MTFR1: variants seen among roughly 807,000 people sequenced by gnomAD.
The protein encoded by MTFR1 is mitochondrial fission regulator 1.
In MTFR1, 28 loss-of-function variants were observed where a neutral mutation model predicts 38.8. The ratio of observed to expected loss-of-function variants is 0.72; its 90% CI spans 0.53 to 0.99. The LOEUF is 0.99. MTFR1 is among the 50% of genes least tolerant of loss of function. MTFR1 has a pLI of 0.00. For missense variants in MTFR1, 358 were observed against 395.5 expected (o/e 0.91, Z 0.81); for synonymous variants, 145 against 137.0 (o/e 1.06, Z -0.41).
chr8:65,683,992 A>G (rs375002212), intron 3 of MTFR1, among the ~76,000 whole-genome samples: 2 of 152,284 alleles, frequency 1.3e-5, no homozygotes, highest in East Asian at 3.9e-4. Flanking sequence ...TGATTGTTCA[A>G]TTCCATCAAT....
intron 3 of MTFR1, 156 bp downstream of exon 3, chr8:65,682,607 T>G (rs973898141): frequency 1.7e-5 from 8 of 478,294 alleles, no homozygotes; most frequent in African/African-American, 4.2e-5. Context: ...CAGTAAAGCC[T>G]TTCTAATTTT....
chr8:65,762,991 ATGTGTGTGTGTG>A lies in MTFR1; in HGVS notation c.*49-7920_*49-7909del, dbSNP rs34371328. 5.9e-3 allele frequency among the ~76,000 whole-genome samples: 812 copies of A among 138,602 alleles called. 3 individuals are homozygous for A. Among genetic ancestry groups the A allele is most frequent in the Middle Eastern group, 0.017 (5 of 288 alleles). 90.9% of individuals were successfully genotyped at this position (138,602 alleles called of 152,430 possible). On this transcript the variant is annotated intron_variant, in intron 3 of 3. Transcript: ENST00000521247. ...ATCTCTTTATATTTATATAAAAACA[ATGTGTGTGTGTG>A]TGTGTGTGTGTGTGTGTGTGTGTGT...
At chr8:65,744,473 A>G (rs1807582671) in intron 3 of MTFR1, among the ~76,000 whole-genome samples, 1 of 152,188 alleles carries the variant, frequency 6.6e-6, no homozygotes, top group South Asian at 2.1e-4. Flanking sequence ...CTGTCCGCAA[A>G]GAGAATAAGA....
At chr8:65,720,056 A>C (rs2129063406) in intron 3 of MTFR1, among the ~76,000 whole-genome samples, 1 of 152,374 alleles carries the variant, frequency 6.6e-6, no homozygotes, top group East Asian at 1.9e-4. Context: ...TAAAAATAAC[A>C]GGTGGGGTTA....
chr8:65,738,851 G>T (rs569680296), intron 3 of MTFR1, among the ~76,000 whole-genome samples: 8 of 152,220 alleles, frequency 5.3e-5, no homozygotes, highest in Non-Finnish European at 7.3e-5. Flanking sequence ...GAAAAGTACA[G>T]AAATTGTGTC....
chr8:65,677,755 C>T (rs1041328733), intron 2 of MTFR1, among the ~76,000 whole-genome samples: 5 of 151,462 alleles, frequency 3.3e-5, no homozygotes, highest in African/African-American at 1.2e-4. Flanking sequence ...TGGTGGCTCA[C>T]GCCTGTAATC....
At chr8:65,745,512 A>C in intron 3 of MTFR1, 1 of 1,084,740 alleles carries the variant, frequency 9.2e-7, no homozygotes. Flanking sequence ...TTTAATTTCA[A>C]TAACATTGTC....
At chr8:65,767,419 G>A (rs762014758) in intron 3 of MTFR1, among the ~76,000 whole-genome samples, 1 of 152,166 alleles carries the variant, frequency 6.6e-6, no homozygotes, top group Non-Finnish European at 1.5e-5. Context: ...GTATATATTG[G>A]TTTTCATCCA....
chr8:65,685,939 A>G (rs1195163080), intron 3 of MTFR1, among the ~76,000 whole-genome samples: 2 of 152,098 alleles, frequency 1.3e-5, no homozygotes, highest in African/African-American at 2.4e-5. Flanking sequence ...CATTGTGTGC[A>G]GACAGAATAG....
At chr8:65,710,676 A>G (rs1264070613), downstream of MTFR1, 1 of 152,206 alleles carries the variant, frequency 6.6e-6, no homozygotes, top group Non-Finnish European at 1.5e-5. Context: ...ATTCCTTAAA[A>G]TAAGCTCTTA....
At chr8:65,757,594 G>T (rs1469021808) in intron 3 of MTFR1, among the ~76,000 whole-genome samples, 3 of 151,904 alleles carry the variant, frequency 2.0e-5, no homozygotes, top group Non-Finnish European at 4.4e-5. Flanking sequence ...CTTGCTCCAA[G>T]ACTTTGTTTT....
At chr8:65,701,424 G>A (rs1351452864) in intron 4 of MTFR1, among the ~76,000 whole-genome samples, 1 of 152,146 alleles carries the variant, frequency 6.6e-6, no homozygotes, top group Non-Finnish European at 1.5e-5. Context: ...AAGTAGAAGA[G>A]CAGCTAAGGA....
chr8:65,744,281 G>A (rs764469089), intron 3 of MTFR1, among the ~76,000 whole-genome samples: 1 of 151,840 alleles, frequency 6.6e-6, no homozygotes, highest in African/African-American at 2.4e-5. Context: ...AAATGGAAAT[G>A]GAAATGAACA....
At chr8:65,708,308 A>G in intron 7 of MTFR1, 1 of 456,068 alleles carries the variant, frequency 2.2e-6, no homozygotes, top group Non-Finnish European at 4.0e-6. Context: ...GCTCACTACT[A>G]AGTAATCTCC....
intron 3 of MTFR1, among the ~76,000 whole-genome samples, chr8:65,686,383 C>T (rs917848778): frequency 2.0e-5 from 3 of 151,630 alleles, no homozygotes; most frequent in African/African-American, 7.3e-5. Flanking sequence ...ACCAGCCTGG[C>T]CAATGTGGTG....
chr8:65,762,311 C>T (rs1480501348), intron 3 of MTFR1, among the ~76,000 whole-genome samples: 3 of 152,054 alleles, frequency 2.0e-5, no homozygotes, highest in Non-Finnish European at 2.9e-5. Flanking sequence ...CCTACATCTA[C>T]GGGACACATT....
chr8:65,660,493 A>G (rs937916129), intron 1 of MTFR1, among the ~76,000 whole-genome samples: 1 of 152,144 alleles, frequency 6.6e-6, no homozygotes, highest in Non-Finnish European at 1.5e-5. Context: ...GGGCCTGAAT[A>G]AAATAAAAGA....
downstream of MTFR1, among the ~76,000 whole-genome samples, chr8:65,775,509 C>A (rs932835821): frequency 3.3e-5 from 5 of 152,214 alleles, no homozygotes; most frequent in Non-Finnish European, 7.4e-5. Flanking sequence ...CTCTTTGACC[C>A]AAGAAGTACT....
chr8:65,678,765 G>A (rs977532364), intron 2 of MTFR1, among the ~76,000 whole-genome samples: 11 of 151,980 alleles, frequency 7.2e-5, no homozygotes, highest in East Asian at 1.9e-4. Context: ...GCTGGGCATG[G>A]TGGCACCTGC....
Sources: gnomAD v4.1 joint callset for allele counts (sites outside exome capture counted in the v4.1 genomes callset) on GRCh38, gnomAD v4.1.1 for gene constraint, MANE v1.5 for transcripts, NCBI Gene and HGNC (gene_info 2026-07-23, HGNC 2026-07-21) for gene names.